DOCK1: variants seen among roughly 807,000 people sequenced by gnomAD.
DOCK1 encodes the protein dedicator of cytokinesis 1.
A neutral mutation model predicts 262.7 loss-of-function variants in DOCK1; 138 were observed. The ratio of observed to expected loss-of-function variants is 0.53; its 90% CI spans 0.46 to 0.61. The LOEUF (loss-of-function observed/expected upper bound fraction) is 0.61, where lower values mean the gene tolerates loss of function less well. Among genes scored for constraint, DOCK1 ranks in the 20% least tolerant of loss-of-function variants. The pLI is 0.00. For synonymous variants in DOCK1, 866 were observed against 867.4 expected (o/e 1.00, Z 0.03); for missense variants, 1,908 against 2,370.7 (o/e 0.80, Z 4.05).
Position 126,905,493 on chromosome 10 carries a change from G to T in DOCK1, c.-25G>T. ...GGCCTAGACGCGGAGTTTCCTGCCCGACCCGCGGCGGCTCCGGCGGCGCCA... is the reference window on the plus strand; with the variant it reads ...GGCCTAGACGCGGAGTTTCCTGCCCTACCCGCGGCGGCTCCGGCGGCGCCA... On this transcript the variant is annotated 5_prime_UTR_variant, in exon 1 of 52. Transcript: ENST00000623213. 2 of 531,970 alleles carry T rather than the reference G, an allele frequency of 3.8e-6. No homozygotes were observed. The highest frequency in any genetic ancestry group is 4.4e-5 in the South Asian group (2 of 45,124). 33.0% of individuals were successfully genotyped at this position (531,970 alleles called of 1,614,324 possible).
chr10:127,111,760 T>C (rs891847719), intron 25 of DOCK1, among the ~76,000 whole-genome samples: 8 of 152,314 alleles, frequency 5.3e-5, no homozygotes, highest in African/African-American at 1.4e-4. Context: ...CACAGCGACA[T>C]ACTGCATCAC....
intron 23 of DOCK1, among the ~76,000 whole-genome samples, chr10:127,085,617 G>A (rs1170911660): frequency 6.6e-6 from 1 of 152,094 alleles, no homozygotes; most frequent in East Asian, 1.9e-4. Flanking sequence ...AATTACCAGG[G>A]CATGGTGGTG....
At chr10:127,169,217 C>T (rs1416116254) in intron 27 of DOCK1, among the ~76,000 whole-genome samples, 1 of 152,146 alleles carries the variant, frequency 6.6e-6, no homozygotes, top group Non-Finnish European at 1.5e-5. Flanking sequence ...AGTTCCAAAG[C>T]AGGACCCCAG....
At position 127,260,682 on chromosome 10, in the gene DOCK1, T is replaced by C. The variant is rs767590533; in HGVS notation, c.3044+3253T>C. ...GTGTGTCCCTGCATGTGTGTGCATG[T>C]GGGTGTGTGTGTACTCGTGCTCATC... is the stretch of plus-strand genomic sequence containing the variant. On this transcript the variant is annotated intron_variant, in intron 29 of 51. Transcript: ENST00000623213. Among the ~76,000 whole-genome samples, 100 of 145,498 alleles carry C rather than the reference T, an allele frequency of 6.9e-4. 2 individuals carry two copies. Among genetic ancestry groups the C allele is most frequent in the Admixed American group, 1.2e-3 (18 of 14,712 alleles).
At chr10:127,311,850 C>G (rs1196112312) in intron 29 of DOCK1, among the ~76,000 whole-genome samples, 1 of 151,960 alleles carries the variant, frequency 6.6e-6, no homozygotes, top group African/African-American at 2.4e-5. Context: ...CTGCATGTAC[C>G]TGTTTTTTAT....
chr10:127,069,163 TG>T (rs1254365287), intron 23 of DOCK1, among the ~76,000 whole-genome samples: 1 of 152,240 alleles, frequency 6.6e-6, no homozygotes, highest in East Asian at 1.9e-4. Flanking sequence ...TGCCCTGCCT[TG>T]GTTTCCACTA....
At chr10:127,324,614 G>GT (rs112871272) in intron 29 of DOCK1, among the ~76,000 whole-genome samples, 2,001 of 150,396 alleles carry the variant, frequency 0.013, 43 homozygotes, top group African/African-American at 0.044. Flanking sequence ...CAATATTTCG[G>GT]TTTTTTTTTT....
At chr10:127,024,838 G>A in intron 15 of DOCK1, 55 bp downstream of exon 15, 1 of 1,448,338 alleles carries the variant, frequency 6.9e-7, no homozygotes, top group Admixed American at 2.1e-5. Flanking sequence ...ATGCTCATTT[G>A]TAACCCAAGG....
At position 127,114,328 on chromosome 10, in the gene DOCK1, G is replaced by A. The variant is rs150261578; in HGVS notation, c.2623+3974G>A. Among the ~76,000 whole-genome samples the A allele has an allele frequency of 1.5e-3, 231 of 152,280 alleles. 1 individual carries two copies. Among genetic ancestry groups the A allele is most frequent in the African/African-American group, 5.3e-3 (222 of 41,550 alleles). Reference sequence around the variant, plus strand: ...AAGAAGCAGGACCAGCTACACACATGTGTAGTTGACTTGATTGAAGGGAGG... The same window carrying A: ...AAGAAGCAGGACCAGCTACACACATATGTAGTTGACTTGATTGAAGGGAGG... On this transcript the variant is annotated intron_variant, in intron 25 of 51. Transcript: ENST00000623213.
At chr10:127,422,227 C>T (rs1384355464) in intron 46 of DOCK1, among the ~76,000 whole-genome samples, 12 of 118,102 alleles carry the variant, frequency 1.0e-4, no homozygotes, top group East Asian at 2.7e-4. Context: ...AGTGCAGTGG[C>T]GTGATCTTGG....
chr10:127,210,258 G>A (rs958210934), intron 27 of DOCK1, among the ~76,000 whole-genome samples: 1 of 152,122 alleles, frequency 6.6e-6, no homozygotes, highest in East Asian at 1.9e-4. Flanking sequence ...GGACTTCGGC[G>A]GTGCCACATA....
At chr10:127,210,350 C>T (rs902002084) in intron 27 of DOCK1, among the ~76,000 whole-genome samples, 2 of 152,112 alleles carry the variant, frequency 1.3e-5, no homozygotes, top group African/African-American at 4.8e-5. Context: ...TGGAGAGCCA[C>T]GAAGGTGGCA....
At chr10:127,059,438 T>C (rs2045390360) in intron 22 of DOCK1, among the ~76,000 whole-genome samples, 1 of 152,218 alleles carries the variant, frequency 6.6e-6, no homozygotes, top group African/African-American at 2.4e-5. Flanking sequence ...ATTACATGTA[T>C]GTTAGATCTC....
chr10:127,306,757 G>A (rs1391405144), intron 29 of DOCK1, among the ~76,000 whole-genome samples: 4 of 152,154 alleles, frequency 2.6e-5, no homozygotes, highest in Admixed American at 1.3e-4. Flanking sequence ...TTATCTCTCT[G>A]TGATAGTTTT....
chr10:127,040,173 C>T (rs910026215), intron 19 of DOCK1, among the ~76,000 whole-genome samples: 3 of 152,206 alleles, frequency 2.0e-5, no homozygotes, highest in African/African-American at 7.2e-5. Context: ...CGGCTGTTAG[C>T]AGATGGCATC....
At chr10:127,293,469 C>G (rs1337441924) in intron 29 of DOCK1, among the ~76,000 whole-genome samples, 1 of 152,206 alleles carries the variant, frequency 6.6e-6, no homozygotes. Flanking sequence ...CACTTGCATT[C>G]TCCCTTGGTA....
intron 27 of DOCK1, among the ~76,000 whole-genome samples, chr10:127,147,501 T>C (rs1381537308): frequency 6.6e-6 from 1 of 152,110 alleles, no homozygotes; most frequent in Non-Finnish European, 1.5e-5. Flanking sequence ...GGCTCTCACC[T>C]TCCATACAGA....
intron 33 of DOCK1, 107 bp downstream of exon 33, chr10:127,362,319 G>A: frequency 7.9e-7 from 1 of 1,263,850 alleles, no homozygotes; most frequent in Non-Finnish European, 1.0e-6. Context: ...TGCCAACGTG[G>A]AAAACACATT....
At chr10:127,308,524 C>A (rs1564981080) in intron 29 of DOCK1, among the ~76,000 whole-genome samples, 1 of 152,118 alleles carries the variant, frequency 6.6e-6, no homozygotes, top group Non-Finnish European at 1.5e-5. Flanking sequence ...CCTATCAACC[C>A]ATCATCTAGG....
Sources: gnomAD v4.1 joint callset for allele counts (sites outside exome capture counted in the v4.1 genomes callset) on GRCh38, gnomAD v4.1.1 for gene constraint, MANE v1.5 for transcripts, NCBI Gene and HGNC (gene_info 2026-07-23, HGNC 2026-07-21) for gene names.